The following RAD52 variants were observed in gnomAD, a reference collection of about 807,000 sequenced individuals.
RAD52 encodes DNA repair protein RAD52 homolog.
A neutral mutation model predicts 55.5 loss-of-function variants in RAD52; 47 were observed. The observed-to-expected ratio is 0.85, with a 90% CI of 0.67 to 1.08. The LOEUF (loss-of-function observed/expected upper bound fraction) is 1.08, where lower values mean the gene tolerates loss of function less well. Among genes scored for constraint, RAD52 ranks in the 50% least tolerant of loss-of-function variants. The pLI is 0.00. For synonymous variants in RAD52, 184 were observed against 198.9 expected (o/e 0.92, Z 0.63); for missense variants, 468 against 522.8 (o/e 0.90, Z 1.02).
chr12:939,388 C>T (rs964796134), intron 1 of RAD52, among the ~76,000 whole-genome samples: 1 of 152,026 alleles, frequency 6.6e-6, no homozygotes, highest in Non-Finnish European at 1.5e-5. Flanking sequence ...TGGGCTCAAG[C>T]AATCTTCCTG....
At chr12:979,829 C>T (rs1958987440) in intron 1 of RAD52, among the ~76,000 whole-genome samples, 3 of 152,060 alleles carry the variant, frequency 2.0e-5, no homozygotes, top group East Asian at 1.9e-4. Flanking sequence ...AGGCGGATCA[C>T]GAGGTCAGCA....
intron 4 of RAD52, 50 bp downstream of exon 4, chr12:930,001 A>G (rs1317738991): frequency 6.3e-7 from 1 of 1,589,244 alleles, no homozygotes. Context: ...GCAGACTTTC[A>G]GCAGGAGCTG....
intron 9 of RAD52, among the ~76,000 whole-genome samples, chr12:915,127 C>A (rs561917425): frequency 2.0e-5 from 3 of 152,238 alleles, no homozygotes; most frequent in African/African-American, 7.2e-5. Context: ...GAGCAAGACC[C>A]TGTCTGAAAA....
chr12:970,074 G>A (rs572227471), intron 1 of RAD52, among the ~76,000 whole-genome samples: 8 of 28,588 alleles, frequency 2.8e-4, no homozygotes, highest in South Asian at 7.8e-4. Flanking sequence ...TTTGGGAGGC[G>A]GAGGTGGTGG....
At chr12:947,831 G>C (rs1958329511) in intron 1 of RAD52, among the ~76,000 whole-genome samples, 1 of 147,294 alleles carries the variant, frequency 6.8e-6, no homozygotes, top group Non-Finnish European at 1.5e-5. Flanking sequence ...AGGTTGCAGT[G>C]AGCCCAGATA....
At chr12:965,526 T>C (rs1317384927) in intron 1 of RAD52, among the ~76,000 whole-genome samples, 1 of 152,036 alleles carries the variant, frequency 6.6e-6, no homozygotes, top group African/African-American at 2.4e-5. Context: ...CTACCAAATC[T>C]GATCTGTCCT....
intron 1 of RAD52, among the ~76,000 whole-genome samples, chr12:954,844 G>T (rs1380167229): frequency 6.6e-6 from 1 of 152,044 alleles, no homozygotes; most frequent in African/African-American, 2.4e-5. Flanking sequence ...CATTGGTTAG[G>T]GATACATTAG....
chr12:989,283 T>C (rs1959135634), intron 1 of RAD52, among the ~76,000 whole-genome samples: 1 of 152,188 alleles, frequency 6.6e-6, no homozygotes, highest in African/African-American at 2.4e-5. Context: ...TACAGCACCC[T>C]CTACACCCAT....
chr12:984,373 T>C (rs1463655725), intron 1 of RAD52, among the ~76,000 whole-genome samples: 1 of 152,070 alleles, frequency 6.6e-6, no homozygotes, highest in East Asian at 1.9e-4. Flanking sequence ...TTTTTTTGTA[T>C]TGTTAGTAGA....
At chr12:963,880 G>A (rs1014782994) in intron 1 of RAD52, among the ~76,000 whole-genome samples, 9 of 152,000 alleles carry the variant, frequency 5.9e-5, no homozygotes, top group Admixed American at 1.3e-4. Context: ...CGAGGGCAGC[G>A]GTACTCTTTC....
At chr12:955,493 A>G (rs1322473933) in intron 1 of RAD52, among the ~76,000 whole-genome samples, 3 of 122,400 alleles carry the variant, frequency 2.5e-5, no homozygotes, top group Admixed American at 7.7e-5. Context: ...TTTTTTTTTG[A>G]GACGGAGTCT....
At chr12:976,898 C>G (rs1958941364) in intron 1 of RAD52, 1 of 152,174 alleles carries the variant, frequency 6.6e-6, no homozygotes, top group Non-Finnish European at 1.5e-5. Context: ...TCTGACATGT[C>G]TACTCGCAGA....
chr12:951,989 C>A (rs1457498830), upstream of RAD52, among the ~76,000 whole-genome samples: 2 of 152,086 alleles, frequency 1.3e-5, no homozygotes, highest in African/African-American at 2.4e-5. Flanking sequence ...TAAGAGACAG[C>A]ACCTCACTCT....
intron 7 of RAD52, among the ~76,000 whole-genome samples, chr12:918,386 G>A (rs1956523987): frequency 6.6e-6 from 1 of 152,008 alleles, no homozygotes; most frequent in Non-Finnish European, 1.5e-5. Context: ...ACAAATTGGT[G>A]GCTTTCTTTG....
intron 1 of RAD52, among the ~76,000 whole-genome samples, chr12:964,719 C>T (rs756793001): frequency 6.6e-6 from 1 of 152,022 alleles, no homozygotes; most frequent in Admixed American, 6.6e-5. Flanking sequence ...GCTGGAACCA[C>T]AGGCGCATGC....
intron 1 of RAD52, among the ~76,000 whole-genome samples, chr12:946,573 C>G (rs1005420243): frequency 6.6e-6 from 1 of 152,166 alleles, no homozygotes; most frequent in Non-Finnish European, 1.5e-5. Context: ...AAAAGCTTAT[C>G]TTTTCTCTAT....
At chr12:944,362 C>T (rs558672041) in intron 1 of RAD52, among the ~76,000 whole-genome samples, 6 of 151,612 alleles carry the variant, frequency 4.0e-5, no homozygotes, top group Non-Finnish European at 5.9e-5. Flanking sequence ...AGCAGCAAAA[C>T]GTTAGTCGGG....
intron 1 of RAD52, among the ~76,000 whole-genome samples, chr12:970,914 C>CGT (rs1958840434): frequency 6.7e-6 from 1 of 149,742 alleles, no homozygotes; most frequent in Non-Finnish European, 1.5e-5. Flanking sequence ...CAAATATATA[C>CGT]GTAGAGAGAG....
chr12:974,016 A>G (rs1173826811), intron 1 of RAD52: 1 of 152,106 alleles, frequency 6.6e-6, no homozygotes, highest in Admixed American at 6.6e-5. Flanking sequence ...ATTTATTAAT[A>G]AACTGAATGT....
Sources: gnomAD v4.1 joint callset for allele counts (sites outside exome capture counted in the v4.1 genomes callset) on GRCh38, gnomAD v4.1.1 for gene constraint, MANE v1.5 for transcripts, NCBI Gene and HGNC (gene_info 2026-07-23, HGNC 2026-07-21) for gene names.